Variants in SCFD2 observed in about 807,000 individuals in gnomAD.
SCFD2 encodes the protein sec1 family domain containing 2.
Under a neutral mutation model 58.9 loss-of-function variants are expected in SCFD2, and 54 were observed. That is an observed-to-expected ratio of 0.92 (90% confidence interval 0.74 to 1.15). SCFD2 has a LOEUF of 1.15. Ranked by LOEUF, SCFD2 falls within the 50% of genes most tolerant of loss-of-function variation. SCFD2 has a pLI of 0.00. For synonymous variants in SCFD2, 321 were observed against 335.9 expected (o/e 0.96, Z 0.49); for missense variants, 805 against 836.6 (o/e 0.96, Z 0.47).
intron 4 of SCFD2, among the ~76,000 whole-genome samples, chr4:53,193,649 G>C (rs1223730687): frequency 6.6e-6 from 1 of 152,156 alleles, no homozygotes; most frequent in African/African-American, 2.4e-5. Context: ...GCCAAGAGCA[G>C]TTACTTATAT....
At chr4:53,004,211 ATAGCTG>A (rs1347941835) in intron 5 of SCFD2, among the ~76,000 whole-genome samples, 1 of 152,216 alleles carries the variant, frequency 6.6e-6, no homozygotes, top group African/African-American at 2.4e-5. Context: ...CTGATTCAGA[ATAGCTG>A]TAGTCTAGAG....
At chr4:52,904,279 G>C (rs983568920) in intron 7 of SCFD2, among the ~76,000 whole-genome samples, 1 of 152,206 alleles carries the variant, frequency 6.6e-6, no homozygotes, top group Admixed American at 6.5e-5. Context: ...CCTGAGCACA[G>C]GAAGGATTCC....
chr4:52,973,713 CA>C (rs1259900843), intron 5 of SCFD2, among the ~76,000 whole-genome samples: 5 of 151,996 alleles, frequency 3.3e-5, no homozygotes, highest in Admixed American at 1.3e-4. Context: ...AGAGACACAA[CA>C]AAAAAGAGAA....
chr4:52,921,075 T>C (rs1719724411), intron 5 of SCFD2, among the ~76,000 whole-genome samples: 1 of 152,090 alleles, frequency 6.6e-6, no homozygotes, highest in Non-Finnish European at 1.5e-5. Flanking sequence ...AAATTGAGTA[T>C]AAATGCCTTT....
At chr4:52,874,590 T>C (rs987217449) in intron 8 of SCFD2, among the ~76,000 whole-genome samples, 1 of 152,198 alleles carries the variant, frequency 6.6e-6, no homozygotes, top group Non-Finnish European at 1.5e-5. Flanking sequence ...TACTGTCTCA[T>C]AGTTCTGGAG....
chr4:52,873,772 T>G lies in SCFD2; in HGVS notation c.*197A>C. On this transcript the variant is annotated 3_prime_UTR_variant, in exon 9 of 9. Coordinates refer to ENST00000401642, the MANE Select transcript of SCFD2 (RefSeq NM_152540.4). Reference sequence around the variant, plus strand: ...TCGCCTTCAGGAAAATAAAAAAACTTTTTTTTTTTTTTTTTAAGAATCACA... The same window carrying G: ...TCGCCTTCAGGAAAATAAAAAAACTGTTTTTTTTTTTTTTTAAGAATCACA... 3.5e-6 allele frequency: 1 copy of G among 289,000 alleles called. No individual in the cohort carries two copies. Among genetic ancestry groups the G allele is most frequent in the Non-Finnish European group, 6.4e-6 (1 of 155,450 alleles). 17.9% of individuals were successfully genotyped at this position (289,000 alleles called of 1,614,324 possible).
chr4:53,141,910 T>C (rs1171866074), intron 5 of SCFD2, among the ~76,000 whole-genome samples: 10 of 152,166 alleles, frequency 6.6e-5, no homozygotes, highest in Non-Finnish European at 1.3e-4. Flanking sequence ...CCCCAGCTGT[T>C]TGGATGCTGC....
intron 5 of SCFD2, among the ~76,000 whole-genome samples, chr4:52,940,201 AG>A (rs773815945): frequency 1.5e-4 from 23 of 152,350 alleles, no homozygotes; most frequent in Non-Finnish European, 2.4e-4. Context: ...TGGGGTGGAA[AG>A]GTGCCTGAGG....
chr4:53,145,235 T>TTGG (rs1288407497), intron 5 of SCFD2, 98 bp downstream of exon 5: 8 of 1,409,374 alleles, frequency 5.7e-6, no homozygotes, highest in Non-Finnish European at 6.8e-6. Context: ...ACAACTCCAG[T>TTGG]GAAGATGGTT....
intron 2 of SCFD2, among the ~76,000 whole-genome samples, chr4:53,343,688 G>A (rs555466665): frequency 2.0e-5 from 3 of 152,198 alleles, no homozygotes; most frequent in East Asian, 1.9e-4. Context: ...GATGAACATC[G>A]ATGCAAAAAT....
chr4:52,916,644 C>A (rs1438994995), intron 6 of SCFD2, among the ~76,000 whole-genome samples: 1 of 152,176 alleles, frequency 6.6e-6, no homozygotes, highest in Non-Finnish European at 1.5e-5. Context: ...GGTTTCCAGT[C>A]AACAGAAGCG....
At chr4:53,019,963 C>T (rs953296185) in intron 5 of SCFD2, among the ~76,000 whole-genome samples, 3 of 152,084 alleles carry the variant, frequency 2.0e-5, no homozygotes, top group African/African-American at 7.2e-5. Context: ...TCTGGTGAGT[C>T]AATATGAAAG....
intron 2 of SCFD2, among the ~76,000 whole-genome samples, chr4:53,331,665 C>T (rs984561768): frequency 2.0e-5 from 3 of 151,866 alleles, no homozygotes; most frequent in Admixed American, 6.6e-5. Flanking sequence ...AAATTGACAC[C>T]CTAACATCAC....
chr4:52,972,988 T>C (rs879381698), intron 5 of SCFD2, among the ~76,000 whole-genome samples: 5 of 152,130 alleles, frequency 3.3e-5, no homozygotes, highest in Non-Finnish European at 5.9e-5. Flanking sequence ...AGACACAACA[T>C]ACCGGAATCT....
intron 7 of SCFD2, among the ~76,000 whole-genome samples, chr4:52,899,599 A>T (rs1358802495): frequency 4.6e-5 from 7 of 152,000 alleles, no homozygotes; most frequent in East Asian, 1.9e-4. Flanking sequence ...CCTTCATTTC[A>T]ACTTTGGTGA....
At chr4:53,206,778 C>T (rs1728418838) in intron 4 of SCFD2, among the ~76,000 whole-genome samples, 1 of 152,034 alleles carries the variant, frequency 6.6e-6, no homozygotes, top group South Asian at 2.1e-4. Context: ...GTCATTTTTA[C>T]CATCCTACAC....
intron 4 of SCFD2, among the ~76,000 whole-genome samples, chr4:53,212,605 T>TGC (rs942011199): frequency 2.0e-5 from 3 of 150,560 alleles, no homozygotes; most frequent in Non-Finnish European, 3.0e-5. Flanking sequence ...TGTGTGTGTG[T>TGC]GTGCATGTGG....
intron 4 of SCFD2, among the ~76,000 whole-genome samples, chr4:53,226,281 A>C (rs913156779): frequency 2.6e-5 from 4 of 152,160 alleles, no homozygotes; most frequent in Non-Finnish European, 5.9e-5. Flanking sequence ...CAGCAATACA[A>C]CATTATTGGT....
rs563334948 is a variant in SCFD2 at position 53,356,897 on chromosome 4, C to T, written c.839-4131G>A. ...GACTACAGGCGCCTGCCACCACGCC[C>T]GGATAATTTTTTGTATTTTTTAGTA... On this transcript the variant is annotated intron_variant, in intron 1 of 8. Transcript: ENST00000401642. 2.8e-3 allele frequency among the ~76,000 whole-genome samples: 428 copies of T among 151,966 alleles called. 1 individual carries two copies. Among genetic ancestry groups the T allele is most frequent in the African/African-American group, 9.3e-3 (386 of 41,464 alleles).
Sources: allele counts gnomAD v4.1 joint callset (sites outside exome capture counted in the v4.1 genomes callset), GRCh38; gene constraint gnomAD v4.1.1; transcripts MANE v1.5; gene names NCBI Gene and HGNC (gene_info 2026-07-23, HGNC 2026-07-21).